Variants in TTC7B observed in about 807,000 individuals in gnomAD.
The protein encoded by TTC7B is tetratricopeptide repeat domain 7B, also known as tetratricopeptide repeat protein 7B.
Under a neutral mutation model 106.8 loss-of-function variants are expected in TTC7B, and 28 were observed. That is an observed-to-expected ratio of 0.26 (90% CI 0.19 to 0.36). The LOEUF is 0.36. TTC7B is among the 10% of genes least tolerant of loss of function. The pLI is 1.00. For synonymous variants in TTC7B, 405 were observed against 430.6 expected (o/e 0.94, Z 0.74); for missense variants, 862 against 1,076.4 (o/e 0.80, Z 2.79).
chr14:90,765,180 T>G (rs1270753032), intron 3 of TTC7B, among the ~76,000 whole-genome samples: 1 of 152,224 alleles, frequency 6.6e-6, no homozygotes, highest in African/African-American at 2.4e-5. Context: ...TAAAACTTTA[T>G]GCTAAATGAA....
chr14:90,810,605 G>T (rs2030846318), intron 1 of TTC7B, among the ~76,000 whole-genome samples: 1 of 152,214 alleles, frequency 6.6e-6, no homozygotes, highest in South Asian at 2.1e-4. Flanking sequence ...GAAACCTTAA[G>T]GAAAAGTGTA....
chr14:90,652,788 C>A, intron 13 of TTC7B, 53 bp downstream of exon 13: 1 of 1,577,542 alleles, frequency 6.3e-7, no homozygotes, highest in Non-Finnish European at 8.7e-7. Context: ...TTATACTCAT[C>A]ATACTTTGGT....
intron 17 of TTC7B, chr14:90,602,233 G>A (rs1892453372): frequency 2.2e-6 from 1 of 455,902 alleles, no homozygotes; most frequent in African/African-American, 2.0e-5. Flanking sequence ...ATTAGTTTGG[G>A]AACACTGGGT....
intron 4 of TTC7B, among the ~76,000 whole-genome samples, chr14:90,737,546 GTTTTTTT>G (rs71461922): frequency 1.3e-4 from 12 of 91,750 alleles, no homozygotes; most frequent in African/African-American, 4.0e-4. Context: ...GTATGATTCT[GTTTTTTT>G]TTTTTTTTTT....
intron 3 of TTC7B, among the ~76,000 whole-genome samples, chr14:90,766,135 G>A (rs11851083): frequency 0.078 from 11,127 of 143,438 alleles, 415 homozygotes; most frequent in East Asian, 0.16. Flanking sequence ...AGCCTACAAC[G>A]TTTTTTTTTT....
chr14:90,630,153 T>C (rs1048805303), intron 15 of TTC7B, among the ~76,000 whole-genome samples: 4 of 152,238 alleles, frequency 2.6e-5, no homozygotes, highest in Non-Finnish European at 4.4e-5. Flanking sequence ...GTTCTTCTAC[T>C]TTTGCCTCAT....
chr14:90,689,985 T>A (rs1887407293), intron 6 of TTC7B, among the ~76,000 whole-genome samples: 2 of 152,246 alleles, frequency 1.3e-5, no homozygotes, highest in South Asian at 4.1e-4. Context: ...ACATGTTTTA[T>A]ACCTGAAACA....
intron 1 of TTC7B, among the ~76,000 whole-genome samples, chr14:90,811,899 G>A (rs1222869156): frequency 2.0e-5 from 3 of 152,312 alleles, no homozygotes; most frequent in East Asian, 1.9e-4. Context: ...CAGGACAGTC[G>A]CAGACCTCCA....
intron 19 of TTC7B, among the ~76,000 whole-genome samples, chr14:90,542,190 C>T (rs1426565204): frequency 2.6e-5 from 4 of 152,108 alleles, no homozygotes; most frequent in African/African-American, 7.2e-5. Flanking sequence ...CTGCCCACCT[C>T]GGCCTCCCAA....
At chr14:90,678,649 T>C (rs906040647) in intron 8 of TTC7B, among the ~76,000 whole-genome samples, 1 of 152,210 alleles carries the variant, frequency 6.6e-6, no homozygotes, top group African/African-American at 2.4e-5. Flanking sequence ...GAGATTTTTC[T>C]GGCAATTACA....
intron 3 of TTC7B, among the ~76,000 whole-genome samples, chr14:90,747,463 C>A (rs1890004103): frequency 6.6e-6 from 1 of 152,158 alleles, no homozygotes; most frequent in Non-Finnish European, 1.5e-5. Context: ...ATATCAATGC[C>A]TGATGGTAGT....
intron 19 of TTC7B, among the ~76,000 whole-genome samples, chr14:90,559,780 T>C (rs1277520925): frequency 6.6e-6 from 1 of 152,224 alleles, no homozygotes; most frequent in African/African-American, 2.4e-5. Flanking sequence ...TGAACCTGTA[T>C]GACAGTGCTG....
rs928614297 is a variant in TTC7B at position 90,676,504 on chromosome 14, C to A, written c.1152+19G>T. 5.0e-6 allele frequency: 8 copies of A among 1,612,112 alleles called. No individual in the cohort carries two copies. Among genetic ancestry groups the A allele is most frequent in the Non-Finnish European group, 6.8e-6 (8 of 1,178,636 alleles). On this transcript the variant is annotated intron_variant, in intron 9 of 19. Transcript: ENST00000328459. ...CTGCCACCCACCACCTGGATGTCAA[C>A]CAGACTCAGCAGCTGTACCTCTGAC...
At chr14:90,733,995 T>C (rs1294388193) in intron 4 of TTC7B, among the ~76,000 whole-genome samples, 1 of 152,232 alleles carries the variant, frequency 6.6e-6, no homozygotes, top group Non-Finnish European at 1.5e-5. Flanking sequence ...GTACAAATAG[T>C]ATAATCCTTA....
In TTC7B at chr14:90,530,973, C is replaced by A. The variant is rs1265402877; in HGVS notation, c.*10395G>T. 1 of 151,982 alleles carries A rather than the reference C, an allele frequency of 6.6e-6. No homozygotes were observed. The highest frequency in any genetic ancestry group is 6.6e-5 in the Admixed American group (1 of 15,254). 9.4% of individuals were successfully genotyped at this position (151,982 alleles called of 1,614,324 possible). On this transcript the variant is annotated 3_prime_UTR_variant, in exon 20 of 20. Transcript: ENST00000328459. ...CCTATGAAAATAAAAAATTAAAATT[C>A]TATAGAATTTGAAGAACAAAATGTA...
Position 90,776,583 on chromosome 14 carries a change from G to A in TTC7B, c.445+4155C>T, listed in dbSNP as rs1028380257. On this transcript the variant is annotated intron_variant, in intron 3 of 19. Coordinates refer to ENST00000328459, the MANE Select transcript of TTC7B (RefSeq NM_001010854.2). ...AGCTGGAAGGACAGAACTTACAGGA[G>A]GAAACCCGGCAAAGGTGAGGCATTA... Among the ~76,000 whole-genome samples the A allele has an allele frequency of 3.3e-5, 5 of 152,330 alleles. No individual in the cohort carries two copies. The South Asian group carries it at 1.0e-3, about 32-fold the overall frequency.
In TTC7B at chr14:90,577,062, T is replaced by C. The variant is rs560340775; in HGVS notation, c.2310+1044A>G. Among the ~76,000 whole-genome samples the C allele has an allele frequency of 3.3e-5, 5 of 152,296 alleles. No homozygotes were observed. The highest frequency in any genetic ancestry group is 1.2e-4 in the African/African-American group (5 of 41,554). ...TCCCTGTCCAGTGCTCACTCTTCCA[T>C]ATCACACACCACCATCTGGTTATGG... On this transcript the variant is annotated intron_variant, in intron 19 of 19. Transcript: ENST00000328459. The surrounding 1 kb of genome is among the most constrained non-coding windows in gnomAD (Gnocchi z 5.0).
chr14:90,701,191 G>C (rs974859624), intron 5 of TTC7B, among the ~76,000 whole-genome samples: 1 of 152,156 alleles, frequency 6.6e-6, no homozygotes, highest in Non-Finnish European at 1.5e-5. Context: ...AGAACAAGCA[G>C]GCGAGGCTTC....
chr14:90,813,103 C>G (rs1045853878), intron 1 of TTC7B, among the ~76,000 whole-genome samples: 2 of 152,208 alleles, frequency 1.3e-5, no homozygotes, highest in East Asian at 3.9e-4. Context: ...CATGAAGTTC[C>G]CTCCCTAGAA....
Sources: gnomAD v4.1 joint callset for allele counts (sites outside exome capture counted in the v4.1 genomes callset) on GRCh38, gnomAD v4.1.1 for gene constraint, Gnocchi (gnomAD v3.1) non-coding constraint, MANE v1.5 for transcripts, NCBI Gene and HGNC (gene_info 2026-07-23, HGNC 2026-07-21) for gene names.